The following ARHGEF28 variants were observed in gnomAD, a reference collection of about 807,000 sequenced individuals.
ARHGEF28 encodes the protein Rho guanine nucleotide exchange factor 28.
Under a neutral mutation model 206.6 loss-of-function variants are expected in ARHGEF28, and 152 were observed. That is an observed-to-expected ratio of 0.74 (90% CI 0.64 to 0.84). The LOEUF is 0.84. Ranked by LOEUF, ARHGEF28 falls within the 40% of genes least tolerant of loss-of-function variation. ARHGEF28 has a pLI of 0.00. For missense variants in ARHGEF28, 2,028 were observed against 2,073.2 expected (o/e 0.98, Z 0.42); for synonymous variants, 763 against 776.4 (o/e 0.98, Z 0.29).
chr5:73,867,851 A>C, intron 18 of ARHGEF28, 25 bp from the exon 19 acceptor site: 1 of 1,613,846 alleles, frequency 6.2e-7, no homozygotes, highest in African/African-American at 1.3e-5. Context: ...TGGAAACCAC[A>C]TGAAGCATCT....
At chr5:73,894,033 C>T (rs1416156777) in intron 28 of ARHGEF28, among the ~76,000 whole-genome samples, 8 of 152,216 alleles carry the variant, frequency 5.3e-5, no homozygotes, top group Admixed American at 5.2e-4. Flanking sequence ...ATTGTTCACT[C>T]ATCATGGACA....
At chr5:73,852,205 A>G (rs1471818645) in intron 13 of ARHGEF28, among the ~76,000 whole-genome samples, 1 of 152,248 alleles carries the variant, frequency 6.6e-6, no homozygotes, top group Non-Finnish European at 1.5e-5. Context: ...CATTGCAGCT[A>G]TATGAAAATT....
chr5:73,845,986 CAAAAAAAAAA>C (rs57600570), intron 11 of ARHGEF28, among the ~76,000 whole-genome samples: 1,806 of 63,832 alleles, frequency 0.028, 51 homozygotes, highest in African/African-American at 0.074. Flanking sequence ...AAAACTGTCT[CAAAAAAAAAA>C]AAAAAAAAAA....
chr5:73,751,734 T>C (rs895790663), intron 3 of ARHGEF28, among the ~76,000 whole-genome samples: 17 of 152,308 alleles, frequency 1.1e-4, no homozygotes, highest in Non-Finnish European at 1.3e-4. Context: ...CTTATCTTCA[T>C]TTTAACAGAA....
intron 4 of ARHGEF28, among the ~76,000 whole-genome samples, chr5:73,761,960 A>C (rs1752622756): frequency 6.7e-6 from 1 of 150,080 alleles, no homozygotes; most frequent in South Asian, 2.1e-4. Context: ...CCTCCCTAGT[A>C]ACTGGGACTA....
At chr5:73,642,405 G>A (rs552816408) in intron 1 of ARHGEF28, among the ~76,000 whole-genome samples, 37 of 152,226 alleles carry the variant, frequency 2.4e-4, no homozygotes, top group African/African-American at 7.9e-4. Flanking sequence ...ACTTCTCCAA[G>A]TTCATAGTTG....
At chr5:73,702,513 A>C (rs889939866) in intron 2 of ARHGEF28, among the ~76,000 whole-genome samples, 3 of 152,194 alleles carry the variant, frequency 2.0e-5, no homozygotes, top group Non-Finnish European at 2.9e-5. Context: ...TTAATGTACA[A>C]GTATCCGTTT....
intron 1 of ARHGEF28, among the ~76,000 whole-genome samples, chr5:73,639,936 A>G (rs1743962736): frequency 6.6e-6 from 1 of 152,254 alleles, no homozygotes; most frequent in Admixed American, 6.5e-5. Context: ...CAGTGGCTTT[A>G]TAAATGTCAA....
chr5:73,672,096 T>G (rs1351731647), intron 1 of ARHGEF28, among the ~76,000 whole-genome samples: 1 of 152,096 alleles, frequency 6.6e-6, no homozygotes, highest in African/African-American at 2.4e-5. Flanking sequence ...TATATGTTGT[T>G]GAAAATTCTG....
chr5:73,655,875 G>T (rs1048396138), intron 1 of ARHGEF28, among the ~76,000 whole-genome samples: 1 of 152,174 alleles, frequency 6.6e-6, no homozygotes, highest in Non-Finnish European at 1.5e-5. Context: ...ACTGTAAAAG[G>T]GAAGAGTTTG....
intron 29 of ARHGEF28, among the ~76,000 whole-genome samples, chr5:73,895,337 G>T (rs190587307): frequency 2.0e-5 from 3 of 152,144 alleles, no homozygotes; most frequent in African/African-American, 4.8e-5. Flanking sequence ...TAAGTTTATA[G>T]AATTGAAAAT....
chr5:73,939,823 A>C (rs1392706238), intron 35 of ARHGEF28, among the ~76,000 whole-genome samples: 2 of 152,252 alleles, frequency 1.3e-5, no homozygotes, highest in Non-Finnish European at 2.9e-5. Flanking sequence ...CCATCTAAAT[A>C]ATAGAGGCTT....
At position 73,638,607 on chromosome 5, in the gene ARHGEF28, A is replaced by G. The variant is rs751687293; in HGVS notation, c.-12+12285A>G. 3.7e-4 allele frequency among the ~76,000 whole-genome samples: 56 copies of G among 152,324 alleles called. 1 individual carries two copies. The highest frequency in any genetic ancestry group is 3.4e-3 in the Middle Eastern group (1 of 294). ...TTATCTTGCCTTTGTGACGTTAAAGAATACTGTTGTGAATATAGTGAGTAC... is the reference window on the plus strand; with the variant it reads ...TTATCTTGCCTTTGTGACGTTAAAGGATACTGTTGTGAATATAGTGAGTAC... On this transcript the variant is annotated intron_variant, in intron 1 of 35. Coordinates refer to ENST00000513042, the MANE Select transcript of ARHGEF28 (RefSeq NM_001177693.2).
Position 73,873,085 on chromosome 5 carries a change from C to T in ARHGEF28, c.2653C>T (p.Leu885=). ...FRKGMKEELQ[L]DHSTVDKIFP... ...GAAAGGCATGAAAGAGGAGCTGCAG[C>T]TGGACCACAGCACCGTGGATAAAAT... Residue 885 remains leucine (L), a synonymous_variant, in exon 22 of 36, where the codon CTG becomes TTG. Transcript: ENST00000513042. The T allele has an allele frequency of 6.2e-7, 1 of 1,613,514 alleles. No individual in the cohort carries two copies. Among genetic ancestry groups the T allele is most frequent in the Non-Finnish European group, 8.5e-7 (1 of 1,179,702 alleles).
At chr5:73,875,959 A>C (rs1580023687) in intron 22 of ARHGEF28, among the ~76,000 whole-genome samples, 1 of 151,966 alleles carries the variant, frequency 6.6e-6, no homozygotes, top group Admixed American at 6.5e-5. Context: ...CTGTGAAGAA[A>C]GTCATTGCTA....
intron 3 of ARHGEF28, among the ~76,000 whole-genome samples, chr5:73,751,653 C>G (rs1043557716): frequency 6.6e-6 from 1 of 152,042 alleles, no homozygotes; most frequent in Non-Finnish European, 1.5e-5. Flanking sequence ...TGGCGACTCT[C>G]CTCCTCCTTC....
chr5:73,702,549 T>C (rs555076255), intron 2 of ARHGEF28, among the ~76,000 whole-genome samples: 2 of 152,218 alleles, frequency 1.3e-5, no homozygotes, highest in Admixed American at 6.5e-5. Context: ...ATTTTTTAGG[T>C]ATATACCTAG....
At chr5:73,848,773 A>G (rs1758524463) in intron 12 of ARHGEF28, among the ~76,000 whole-genome samples, 1 of 152,142 alleles carries the variant, frequency 6.6e-6, no homozygotes, top group Admixed American at 6.5e-5. Context: ...CTATTCCCCA[A>G]GCTGAAGGTT....
At chr5:73,832,581 T>C (rs1757364433) in intron 10 of ARHGEF28, 122 bp downstream of exon 10, 14 of 1,352,868 alleles carry the variant, frequency 1.0e-5, no homozygotes, top group Non-Finnish European at 1.3e-5. Flanking sequence ...GCAAAGAGGA[T>C]GCTGTTGTGG....
Sources: allele counts gnomAD v4.1 joint callset (sites outside exome capture counted in the v4.1 genomes callset), GRCh38; gene constraint gnomAD v4.1.1; transcripts MANE v1.5; gene names NCBI Gene and HGNC (gene_info 2026-07-23, HGNC 2026-07-21).